Variants in SYNPO2 observed in about 807,000 individuals in gnomAD.
SYNPO2 encodes the protein synaptopodin 2.
SYNPO2 carries 56 observed loss-of-function variants against 85.0 expected under a neutral mutation model. The ratio of observed to expected loss-of-function variants is 0.66; its 90% CI spans 0.53 to 0.82. The LOEUF (loss-of-function observed/expected upper bound fraction) is 0.82, where lower values mean the gene tolerates loss of function less well. Among genes scored for constraint, SYNPO2 ranks in the 40% least tolerant of loss-of-function variants. The probability of loss-of-function intolerance (pLI) is 0.00; values close to 1 mark genes in which losing one functional copy is unlikely to be tolerated. For missense variants in SYNPO2, 1,575 were observed against 1,534.2 expected, an observed-to-expected ratio of 1.03 and a Z score of -0.44; for synonymous variants, 602 against 591.1, an observed-to-expected ratio of 1.02 and a Z score of -0.27.
chr4:118,902,689 T>C (rs921983505), intron 1 of SYNPO2, among the ~76,000 whole-genome samples: 7 of 152,210 alleles, frequency 4.6e-5, no homozygotes, highest in African/African-American at 1.7e-4. Context: ...ACAATTCTGA[T>C]ACAAATAATA....
chr4:118,879,172 T>C (rs1732006933), intron 1 of SYNPO2, among the ~76,000 whole-genome samples: 1 of 152,102 alleles, frequency 6.6e-6, no homozygotes, highest in Admixed American at 6.5e-5. Context: ...AGGAACAAAC[T>C]CTGCACACAC....
chr4:118,902,030 C>CA (rs1732773119), intron 1 of SYNPO2, among the ~76,000 whole-genome samples: 1 of 52,986 alleles, frequency 1.9e-5, no homozygotes, highest in African/African-American at 7.4e-5. Flanking sequence ...TTGGTATGGT[C>CA]AACAAAAGTA....
chr4:118,873,662 T>G (rs1020633787), intron 1 of SYNPO2, among the ~76,000 whole-genome samples: 1 of 152,144 alleles, frequency 6.6e-6, no homozygotes, highest in Non-Finnish European at 1.5e-5. Flanking sequence ...GTGTGTTCGC[T>G]TTATTTATTT....
At chr4:118,922,416 T>A (rs1456463129) in intron 1 of SYNPO2, among the ~76,000 whole-genome samples, 1 of 152,162 alleles carries the variant, frequency 6.6e-6, no homozygotes, top group East Asian at 1.9e-4. Context: ...TGATTCCTTT[T>A]GGAAGTAAAA....
chr4:119,017,339 C>T (rs1179855245), intron 1 of SYNPO2, among the ~76,000 whole-genome samples: 1 of 152,104 alleles, frequency 6.6e-6, no homozygotes, highest in African/African-American at 2.4e-5. Context: ...CTTGCTCTGC[C>T]TCCTCTGACC....
At chr4:118,853,280 G>A (rs1030146756) in intron 1 of SYNPO2, among the ~76,000 whole-genome samples, 1 of 152,116 alleles carries the variant, frequency 6.6e-6, no homozygotes, top group African/African-American at 2.4e-5. Context: ...TATTTCCATT[G>A]TGAATTTAAA....
chr4:119,007,233 T>TATAC (rs1553945928), intron 1 of SYNPO2, among the ~76,000 whole-genome samples: 4 of 42,090 alleles, frequency 9.5e-5, no homozygotes, highest in African/African-American at 3.9e-4. Flanking sequence ...TATATATATA[T>TATAC]ATATATATAT....
chr4:119,050,645 T>C (rs1739008614), intron 4 of SYNPO2, among the ~76,000 whole-genome samples: 1 of 152,122 alleles, frequency 6.6e-6, no homozygotes, highest in South Asian at 2.1e-4. Flanking sequence ...AAGGCAGAGG[T>C]AGAAAAATGC....
intron 1 of SYNPO2, among the ~76,000 whole-genome samples, chr4:118,867,209 A>T (rs1317969652): frequency 6.6e-6 from 1 of 152,202 alleles, no homozygotes. Context: ...GACCTTAAAC[A>T]CTTTAAAAGA....
Position 119,047,490 on chromosome 4 carries a change from ACT to A in SYNPO2, c.3253-9906_3253-9905del, listed in dbSNP as rs200767227. Among the ~76,000 whole-genome samples, 28 of 152,134 alleles carry A rather than the reference ACT, an allele frequency of 1.8e-4. No individual in the cohort carries two copies. In the East Asian group the frequency reaches 5.0e-3, roughly 27 times the overall value. ...TGTACTTCTGCTGAAAGAAATAGAA[ACT>A]CTCTTCCATTTTCTAGATAAGAGAG... On this transcript the variant is annotated intron_variant, in intron 4 of 4. Coordinates refer to ENST00000307142, the MANE Select transcript of SYNPO2 (RefSeq NM_133477.3).
intron 2 of SYNPO2, among the ~76,000 whole-genome samples, chr4:119,025,982 A>T (rs896898941): frequency 6.6e-6 from 1 of 152,194 alleles, no homozygotes; most frequent in Non-Finnish European, 1.5e-5. Context: ...AAACAGATCC[A>T]AATAGAAGAA....
intron 1 of SYNPO2, among the ~76,000 whole-genome samples, chr4:118,863,502 T>C (rs1731648274): frequency 6.6e-6 from 1 of 152,206 alleles, no homozygotes; most frequent in Non-Finnish European, 1.5e-5. Flanking sequence ...CATTTGGTAA[T>C]GTCTCCTTTT....
intron 1 of SYNPO2, among the ~76,000 whole-genome samples, chr4:118,970,614 A>T (rs1032338391): frequency 2.0e-5 from 3 of 152,224 alleles, no homozygotes. Context: ...TATACTTCCC[A>T]TAGCAGATAA....
chr4:119,022,321 G>A (rs893694943), intron 1 of SYNPO2, among the ~76,000 whole-genome samples: 1 of 151,934 alleles, frequency 6.6e-6, no homozygotes, highest in Admixed American at 6.6e-5. Flanking sequence ...TTACAATGTG[G>A]AATTATCATC....
At chr4:119,055,159 T>C (rs899689604) in intron 4 of SYNPO2, among the ~76,000 whole-genome samples, 2 of 146,710 alleles carry the variant, frequency 1.4e-5, no homozygotes, top group African/African-American at 5.2e-5. Context: ...ATTTATTTAT[T>C]TTTTTTTTTT....
At chr4:118,890,737 G>C (rs372896531) in intron 1 of SYNPO2, among the ~76,000 whole-genome samples, 2,872 of 47,202 alleles carry the variant, frequency 0.061, 29 homozygotes, top group Middle Eastern at 0.078. Flanking sequence ...CTCTCTCTGT[G>C]TGTGTGTGTG....
chr4:118,857,789 T>G (rs1412179270), intron 1 of SYNPO2, among the ~76,000 whole-genome samples: 2 of 152,240 alleles, frequency 1.3e-5, no homozygotes, highest in Non-Finnish European at 2.9e-5. Flanking sequence ...TGAATAGCTT[T>G]GACCATTTAG....
At chr4:118,980,018 C>T (rs141632911) in intron 1 of SYNPO2, among the ~76,000 whole-genome samples, 1 of 152,318 alleles carries the variant, frequency 6.6e-6, no homozygotes, top group East Asian at 1.9e-4. Context: ...GAGGAAAAAA[C>T]TCTTTTGGAG....
chr4:118,888,234 A>G (rs1454586212), upstream of SYNPO2, among the ~76,000 whole-genome samples: 1 of 152,210 alleles, frequency 6.6e-6, no homozygotes, highest in Non-Finnish European at 1.5e-5. Flanking sequence ...ATAAGAATGT[A>G]GTTTCCAGGA....
Sources: gnomAD v4.1 joint callset for allele counts (sites outside exome capture counted in the v4.1 genomes callset) on GRCh38, gnomAD v4.1.1 for gene constraint, MANE v1.5 for transcripts, NCBI Gene and HGNC (gene_info 2026-07-23, HGNC 2026-07-21) for gene names.